The following CNTNAP2 variants were observed in gnomAD, a reference collection of about 807,000 sequenced individuals.
CNTNAP2 encodes the protein contactin associated protein 2.
Under a neutral mutation model 155.2 loss-of-function variants are expected in CNTNAP2, and 98 were observed. The observed-to-expected ratio is 0.63, with a 90% CI of 0.54 to 0.75. The LOEUF (loss-of-function observed/expected upper bound fraction) is 0.75, where lower values mean the gene tolerates loss of function less well. Among genes scored for constraint, CNTNAP2 ranks in the 30% least tolerant of loss-of-function variants. The pLI is 0.00. For missense variants in CNTNAP2, 1,727 were observed against 1,688.1 expected (o/e 1.02, Z -0.40); for synonymous variants, 651 against 631.2 (o/e 1.03, Z -0.47).
rs144969430 is a variant in CNTNAP2 at position 148,112,040 on chromosome 7, A to T, written c.2384-6078A>T. ...CAAGGGCTGTGCAGGAACCCTGAGA[A>T]GACCCCGTCCAGGTGGGAACAGAGG... On this transcript the variant is annotated intron_variant, in intron 15 of 23. Coordinates refer to ENST00000361727, the MANE Select transcript of CNTNAP2 (RefSeq NM_014141.6). Among the ~76,000 whole-genome samples, 516 of 152,314 alleles carry T rather than the reference A, an allele frequency of 3.4e-3. 3 individuals are homozygous for T. Among genetic ancestry groups the T allele is most frequent in the African/African-American group, 0.012 (499 of 41,570 alleles).
At chr7:146,163,058 A>G (rs1407778074) in intron 1 of CNTNAP2, among the ~76,000 whole-genome samples, 1 of 152,146 alleles carries the variant, frequency 6.6e-6, no homozygotes, top group East Asian at 1.9e-4. Context: ...CCTGATGTAA[A>G]TGACCAGTTA....
intron 15 of CNTNAP2, among the ~76,000 whole-genome samples, chr7:148,106,497 T>G (rs796820721): frequency 1.7e-3 from 187 of 107,924 alleles, no homozygotes; most frequent in African/African-American, 5.6e-3. Context: ...CTTTGAGATA[T>G]ATATATATAT....
intron 1 of CNTNAP2, among the ~76,000 whole-genome samples, chr7:146,141,098 C>T (rs1352805726): frequency 6.6e-6 from 1 of 152,152 alleles, no homozygotes; most frequent in Non-Finnish European, 1.5e-5. Context: ...ACTACAGTGT[C>T]AGTGGAGGAA....
At chr7:147,213,586 C>A (rs1014795190) in intron 8 of CNTNAP2, among the ~76,000 whole-genome samples, 1 of 150,898 alleles carries the variant, frequency 6.6e-6, no homozygotes, top group African/African-American at 2.4e-5. Flanking sequence ...AAAAAAATAA[C>A]ATTGTATTGG....
chr7:147,358,889 C>G (rs911642549), intron 9 of CNTNAP2, among the ~76,000 whole-genome samples: 1 of 152,068 alleles, frequency 6.6e-6, no homozygotes, highest in African/African-American at 2.4e-5. Flanking sequence ...GCTGTTTACT[C>G]CTTGTTTGGT....
chr7:147,453,266 G>A (rs7805775), intron 10 of CNTNAP2, among the ~76,000 whole-genome samples: 117,471 of 152,106 alleles, frequency 0.77, 45,645 homozygotes, highest in African/African-American at 0.86. Context: ...TCAAACAGTA[G>A]TGCCTCCCCT....
chr7:147,699,621 G>C (rs1450912749), intron 13 of CNTNAP2, among the ~76,000 whole-genome samples: 6 of 151,884 alleles, frequency 4.0e-5, no homozygotes, highest in Admixed American at 3.9e-4. Context: ...TAAAAAGATG[G>C]CTTTAATATT....
chr7:147,300,967 CTA>C (rs375959759), intron 9 of CNTNAP2, among the ~76,000 whole-genome samples: 69 of 152,260 alleles, frequency 4.5e-4, no homozygotes, highest in African/African-American at 1.6e-3. Flanking sequence ...CAGATAAAAA[CTA>C]TGAGTATTTT....
At chr7:146,988,692 C>T (rs1798158782) in intron 3 of CNTNAP2, among the ~76,000 whole-genome samples, 1 of 152,104 alleles carries the variant, frequency 6.6e-6, no homozygotes, top group Non-Finnish European at 1.5e-5. Flanking sequence ...TTCAGTTAGA[C>T]CATTTGAACA....
chr7:147,181,423 C>T (rs1802453887), intron 8 of CNTNAP2, among the ~76,000 whole-genome samples: 1 of 152,130 alleles, frequency 6.6e-6, no homozygotes, highest in South Asian at 2.1e-4. Flanking sequence ...AGCAAAATTA[C>T]TTAAAATCTT....
intron 10 of CNTNAP2, among the ~76,000 whole-genome samples, chr7:147,472,476 G>A (rs148402676): frequency 0.015 from 2,303 of 152,142 alleles, 65 homozygotes; most frequent in African/African-American, 0.052. Context: ...ACCTCCCAAA[G>A]TTCTGGGATT....
chr7:147,926,631 A>C (rs1800403500), intron 14 of CNTNAP2, among the ~76,000 whole-genome samples: 1 of 152,244 alleles, frequency 6.6e-6, no homozygotes, highest in Admixed American at 6.5e-5. Context: ...TGGTATACAG[A>C]TTACAGTTCA....
chr7:147,197,125 C>T (rs1248026551), intron 8 of CNTNAP2, among the ~76,000 whole-genome samples: 1 of 152,030 alleles, frequency 6.6e-6, no homozygotes, highest in Non-Finnish European at 1.5e-5. Flanking sequence ...CTTTCTGCAA[C>T]CAATCAGATG....
At chr7:147,423,742 C>T (rs986658362) in intron 10 of CNTNAP2, among the ~76,000 whole-genome samples, 1 of 152,208 alleles carries the variant, frequency 6.6e-6, no homozygotes, top group African/African-American at 2.4e-5. Context: ...TCTCCTGGAA[C>T]TCAACATAAT....
chr7:147,864,038 T>C (rs994315221), intron 13 of CNTNAP2, among the ~76,000 whole-genome samples: 5 of 152,108 alleles, frequency 3.3e-5, no homozygotes, highest in Admixed American at 1.3e-4. Context: ...CTAGGTTTTC[T>C]TCTGGGGTTT....
At chr7:147,686,663 C>A (rs552687405) in intron 13 of CNTNAP2, among the ~76,000 whole-genome samples, 3 of 151,874 alleles carry the variant, frequency 2.0e-5, no homozygotes, top group Non-Finnish European at 4.4e-5. Flanking sequence ...GAAGGAACAG[C>A]CAGTTAAGTA....
At chr7:146,413,927 G>T (rs1466984133) in intron 1 of CNTNAP2, among the ~76,000 whole-genome samples, 1 of 152,126 alleles carries the variant, frequency 6.6e-6, no homozygotes, top group Non-Finnish European at 1.5e-5. Context: ...GGAAGAATTA[G>T]AGTATTAACG....
intron 13 of CNTNAP2, among the ~76,000 whole-genome samples, chr7:147,898,718 C>T (rs140398321): frequency 0.021 from 3,185 of 152,146 alleles, 122 homozygotes; most frequent in East Asian, 0.17. Flanking sequence ...CGGGGTTTCA[C>T]CATCTTGGCC....
chr7:148,168,497 G>A (rs1276896025), intron 17 of CNTNAP2, among the ~76,000 whole-genome samples: 1 of 148,712 alleles, frequency 6.7e-6, no homozygotes, highest in Non-Finnish European at 1.5e-5. Flanking sequence ...TCACTCATAG[G>A]TGGGAATTGA....
Sources: allele counts gnomAD v4.1 joint callset (sites outside exome capture counted in the v4.1 genomes callset), GRCh38; gene constraint gnomAD v4.1.1; transcripts MANE v1.5; gene names NCBI Gene and HGNC (gene_info 2026-07-23, HGNC 2026-07-21).